The following DLGAP2 variants were observed in gnomAD, a reference collection of about 807,000 sequenced individuals.
The protein encoded by DLGAP2 is disks large-associated protein 2.
In DLGAP2, 26 loss-of-function variants were observed where a neutral mutation model predicts 100.3. The ratio of observed to expected loss-of-function variants is 0.26; its 90% CI spans 0.19 to 0.36. The LOEUF is 0.36. Among genes scored for constraint, DLGAP2 ranks in the 10% least tolerant of loss-of-function variants. The pLI, the probability that DLGAP2 is intolerant of heterozygous loss-of-function variation, is 1.00. For synonymous variants in DLGAP2, 886 were observed against 630.1 expected (o/e 1.41, Z -6.08); for missense variants, 1,858 against 1,453.2 (o/e 1.28, Z -4.53).
intron 6 of DLGAP2, among the ~76,000 whole-genome samples, chr8:1,574,613 G>A (rs1298071488): frequency 1.3e-5 from 2 of 152,178 alleles, no homozygotes. Flanking sequence ...TAAACAGTTA[G>A]TTGACATTTC....
intron 1 of DLGAP2, among the ~76,000 whole-genome samples, chr8:810,467 G>C (rs1796350819): frequency 6.6e-6 from 1 of 152,176 alleles, no homozygotes; most frequent in Non-Finnish European, 1.5e-5. Context: ...CTGATAATTG[G>C]ATTTCACACA....
At chr8:1,386,329 A>C (rs1256640515) in intron 3 of DLGAP2, among the ~76,000 whole-genome samples, 4 of 152,232 alleles carry the variant, frequency 2.6e-5, no homozygotes, top group African/African-American at 9.6e-5. Flanking sequence ...TCCCCAGAAC[A>C]ATGAATACAA....
intron 2 of DLGAP2, among the ~76,000 whole-genome samples, chr8:966,639 C>G (rs1476198537): frequency 1.5e-5 from 2 of 131,542 alleles, no homozygotes. Flanking sequence ...CTTTTTCCCT[C>G]TAACAAAATG....
rs141701208 is a variant in DLGAP2 at position 1,676,682 on chromosome 8, G to A, written c.2288+64G>A. 5,291 of 1,506,748 alleles carry A rather than the reference G, an allele frequency of 3.5e-3. 15 individuals are homozygous for A. The highest frequency in any genetic ancestry group is 3.8e-3 in the Non-Finnish European group (4,165 of 1,103,784). 93.3% of individuals were successfully genotyped at this position (1,506,748 alleles called of 1,614,324 possible). On this transcript the variant is annotated intron_variant, in intron 11 of 14. Coordinates refer to ENST00000637795, the MANE Select transcript of DLGAP2 (RefSeq NM_001346810.2). ...GAGGGCTCTTTGTCAAAGGCCTGATGGAAGCTCCTAGATCCTGCCGGCCCT... is the reference window on the plus strand; with the variant it reads ...GAGGGCTCTTTGTCAAAGGCCTGATAGAAGCTCCTAGATCCTGCCGGCCCT...
chr8:1,377,711 T>C (rs1795991450), intron 3 of DLGAP2, among the ~76,000 whole-genome samples: 2 of 152,182 alleles, frequency 1.3e-5, no homozygotes, highest in Admixed American at 1.3e-4. Context: ...TGCAGCTCCC[T>C]CCTGTCTCCT....
At chr8:744,277 T>C (rs1820560191) in intron 1 of DLGAP2, among the ~76,000 whole-genome samples, 1 of 152,142 alleles carries the variant, frequency 6.6e-6, no homozygotes, top group Non-Finnish European at 1.5e-5. Flanking sequence ...CTCTGACTGT[T>C]AGGGTGACAC....
At chr8:912,210 A>G (rs1463216458) in intron 2 of DLGAP2, among the ~76,000 whole-genome samples, 1 of 152,226 alleles carries the variant, frequency 6.6e-6, no homozygotes, top group African/African-American at 2.4e-5. Context: ...GAAACCTCAA[A>G]CAGATCAAGC....
At chr8:1,335,037 G>T (rs778905463) in intron 3 of DLGAP2, among the ~76,000 whole-genome samples, 1 of 152,182 alleles carries the variant, frequency 6.6e-6, no homozygotes, top group African/African-American at 2.4e-5. Context: ...CGTAGCTGTT[G>T]CTGCATTGTC....
At chr8:1,052,348 C>G (rs528366238) in intron 2 of DLGAP2, among the ~76,000 whole-genome samples, 5 of 152,302 alleles carry the variant, frequency 3.3e-5, no homozygotes, top group Admixed American at 3.3e-4. Context: ...GTATTTAAAG[C>G]TCAGTAGCCT....
At chr8:1,466,707 G>T (rs1456174070) in intron 3 of DLGAP2, among the ~76,000 whole-genome samples, 1 of 152,146 alleles carries the variant, frequency 6.6e-6, no homozygotes, top group Admixed American at 6.5e-5. Context: ...TACAGAGGCT[G>T]TGTGTGCCAT....
intron 2 of DLGAP2, among the ~76,000 whole-genome samples, chr8:1,079,086 G>C (rs997946792): frequency 6.6e-6 from 1 of 152,176 alleles, no homozygotes; most frequent in Admixed American, 6.5e-5. Flanking sequence ...GGTCTAGCTT[G>C]TGGTCATCTG....
chr8:1,020,582 C>T (rs12545453), intron 2 of DLGAP2, among the ~76,000 whole-genome samples: 52,091 of 152,066 alleles, frequency 0.34, 9,897 homozygotes, highest in Admixed American at 0.51. Flanking sequence ...TGAGAGTGAA[C>T]GCATTGACAG....
At chr8:1,327,244 C>G (rs986059866) in intron 3 of DLGAP2, among the ~76,000 whole-genome samples, 1 of 152,210 alleles carries the variant, frequency 6.6e-6, no homozygotes, top group East Asian at 1.9e-4. Flanking sequence ...GCTAAGTGAC[C>G]AACCAGGGTC....
chr8:1,185,236 C>A (rs911779524), intron 2 of DLGAP2, among the ~76,000 whole-genome samples: 3 of 152,092 alleles, frequency 2.0e-5, no homozygotes, highest in African/African-American at 7.2e-5. Flanking sequence ...CCTGTATTTT[C>A]TAGCCCGATA....
At chr8:1,056,163 G>GA (rs1482776327) in intron 2 of DLGAP2, among the ~76,000 whole-genome samples, 1 of 152,158 alleles carries the variant, frequency 6.6e-6, no homozygotes, top group Non-Finnish European at 1.5e-5. Context: ...CTCGTTTTAG[G>GA]AAAAAATACC....
chr8:905,785 C>T (rs897518655), intron 1 of DLGAP2, among the ~76,000 whole-genome samples: 3 of 152,146 alleles, frequency 2.0e-5, no homozygotes, highest in Non-Finnish European at 4.4e-5. Context: ...CAGACCATAG[C>T]TTGGGGTCCC....
At chr8:1,423,160 G>A (rs888722274) in intron 3 of DLGAP2, among the ~76,000 whole-genome samples, 7 of 152,318 alleles carry the variant, frequency 4.6e-5, no homozygotes, top group African/African-American at 1.7e-4. Flanking sequence ...CTAAAGCCTA[G>A]GTGGCAAGTT....
intron 2 of DLGAP2, among the ~76,000 whole-genome samples, chr8:913,857 C>T (rs1798538681): frequency 6.6e-6 from 1 of 152,226 alleles, no homozygotes; most frequent in African/African-American, 2.4e-5. Context: ...ACGGTGTGGA[C>T]CGGGAACCCT....
intron 2 of DLGAP2, among the ~76,000 whole-genome samples, chr8:1,215,015 C>T (rs567811036): frequency 1.1e-4 from 17 of 152,278 alleles, no homozygotes; most frequent in African/African-American, 3.6e-4. Context: ...CTGCCCACTT[C>T]TGTGTCTAAG....
Sources: allele counts gnomAD v4.1 joint callset (sites outside exome capture counted in the v4.1 genomes callset), GRCh38; gene constraint gnomAD v4.1.1; transcripts MANE v1.5; gene names NCBI Gene and HGNC (gene_info 2026-07-23, HGNC 2026-07-21).